Variants in SOAT2 observed in about 807,000 individuals in gnomAD.
SOAT2 encodes the protein ACAT-2.
SOAT2 carries 87 observed loss-of-function variants against 76.0 expected under a neutral mutation model. The observed-to-expected ratio is 1.14, with a 90% CI of 0.96 to 1.37. SOAT2 has a LOEUF of 1.37. Ranked by LOEUF, SOAT2 falls within the 40% of genes most tolerant of loss-of-function variation. SOAT2 has a pLI of 0.00. For missense variants in SOAT2, 686 were observed against 682.1 expected, an observed-to-expected ratio of 1.01 and a Z score of -0.06; for synonymous variants, 285 against 275.4, an observed-to-expected ratio of 1.03 and a Z score of -0.34.
At chr12:53,118,306 T>G (rs374258468) in intron 7 of SOAT2, 44 bp from the exon 8 acceptor site, 184 of 1,073,766 alleles carry the variant, frequency 1.7e-4, no homozygotes, top group Non-Finnish European at 2.3e-4. Flanking sequence ...ACCTCTGCCC[T>G]CTGCCCTTGC....
In SOAT2 at chr12:53,105,254, G is replaced by A; in HGVS notation, c.275+11G>A. The stretch of plus-strand genomic sequence containing the variant: ...AGGTTCCTTGAGCAGGTGAGTCTGG[G>A]GAATGGCTGCGCGGGCTCCTCTGTA... On this transcript the variant is annotated intron_variant, in intron 3 of 14. Transcript: ENST00000301466. The A allele has an allele frequency of 6.2e-7, 1 of 1,600,172 alleles. No individual in the cohort carries two copies. The highest frequency in any genetic ancestry group is 8.5e-7 in the Non-Finnish European group (1 of 1,173,912).
intron 8 of SOAT2, 125 bp from the exon 9 acceptor site, chr12:53,118,765 A>G (rs1938143615): frequency 9.7e-7 from 1 of 1,026,482 alleles, no homozygotes; most frequent in Non-Finnish European, 1.5e-6. Context: ...CCACCACCCT[A>G]GATAATCCTC....
chr12:53,105,470 C>T, intron 3 of SOAT2, 91 bp from the exon 4 acceptor site: 1 of 1,354,928 alleles, frequency 7.4e-7, no homozygotes, highest in Non-Finnish European at 1.0e-6. Flanking sequence ...TTCCCTACCA[C>T]TCCCCTTGGC....
At chr12:53,107,482 A>G (rs1192021721) in intron 5 of SOAT2, among the ~76,000 whole-genome samples, 2 of 152,180 alleles carry the variant, frequency 1.3e-5, no homozygotes, top group Non-Finnish European at 2.9e-5. Flanking sequence ...AGAATGGGGG[A>G]AAATGGAAAA....
At position 53,116,023 on chromosome 12, in the gene SOAT2, C is replaced by A. The variant is rs1003905842; in HGVS notation, c.709-74C>A. 8 of 1,313,420 alleles carry A rather than the reference C, an allele frequency of 6.1e-6. No individual in the cohort carries two copies. The Admixed American group carries it at 6.7e-5, about 11-fold the overall frequency. 81.4% of individuals were successfully genotyped at this position (1,313,420 alleles called of 1,614,324 possible). A position where few individuals can be genotyped will look rare whatever the true frequency, so the allele number is the denominator to read the frequency against. On this transcript the variant is annotated intron_variant, in intron 6 of 14. Coordinates refer to ENST00000301466, the MANE Select transcript of SOAT2 (RefSeq NM_003578.4). ...ACTCTGCCTGCCTCTCAGAGGTAAC[C>A]CAGAGCACAGAGAGGTTAAGCGATT...
intron 5 of SOAT2, among the ~76,000 whole-genome samples, chr12:53,108,854 A>G (rs1251176728): frequency 6.6e-6 from 1 of 152,228 alleles, no homozygotes; most frequent in Non-Finnish European, 1.5e-5. Flanking sequence ...CAAGAAAACA[A>G]TTGTTTATGG....
At chr12:53,113,354 C>T (rs1346894746) in intron 5 of SOAT2, among the ~76,000 whole-genome samples, 1 of 152,200 alleles carries the variant, frequency 6.6e-6, no homozygotes, top group Non-Finnish European at 1.5e-5. Context: ...GTGTCTGCTT[C>T]TGATCTCTGT....
At chr12:53,114,408 C>T (rs1006055052) in intron 5 of SOAT2, among the ~76,000 whole-genome samples, 4 of 152,186 alleles carry the variant, frequency 2.6e-5, no homozygotes, top group African/African-American at 9.7e-5. Flanking sequence ...TTCAATCCCA[C>T]ACTGCTCTCG....
chr12:53,116,016 A>T (rs1938102183), intron 6 of SOAT2, 81 bp from the exon 7 acceptor site: 2 of 1,234,846 alleles, frequency 1.6e-6, no homozygotes, highest in Admixed American at 1.7e-5. Flanking sequence ...TGCCTCTCAG[A>T]GGTAACCCAG....
In SOAT2 at chr12:53,105,752, G is replaced by T. The variant is rs928279788; in HGVS notation, c.335+132G>T. ...CTTGGAAAGGGTTTCTAAGGTGCAG[G>T]TCCCCTATTTGCCCTAGGCATGGTT... On this transcript the variant is annotated intron_variant, in intron 4 of 14. Coordinates refer to ENST00000301466, the MANE Select transcript of SOAT2 (RefSeq NM_003578.4). 4 of 1,047,946 alleles carry T rather than the reference G, an allele frequency of 3.8e-6. No individual in the cohort carries two copies. In the African/African-American group the frequency reaches 4.9e-5, roughly 13 times the overall value. The allele number at this position is 1,047,946 out of a possible 1,614,324, so 64.9% of individuals were successfully genotyped here.
chr12:53,105,008 C>A, intron 2 of SOAT2, 99 bp from the exon 3 acceptor site: 5 of 1,153,560 alleles, frequency 4.3e-6, no homozygotes, highest in South Asian at 1.7e-5. Flanking sequence ...TTAAAAAAAG[C>A]ACTGTGCCTG....
In SOAT2 at chr12:53,115,657, G is replaced by T; in HGVS notation, c.708+3G>T. 1 of 1,519,828 alleles carries T rather than the reference G, an allele frequency of 6.6e-7. No homozygotes were observed. Among genetic ancestry groups the T allele is most frequent in the Non-Finnish European group, 8.8e-7 (1 of 1,139,360 alleles). The allele number at this position is 1,519,828 out of a possible 1,614,324, so 94.1% of individuals were successfully genotyped here. On this transcript the variant is annotated splice_donor_region_variant and intron_variant, in intron 6 of 14. Transcript: ENST00000301466. ...GTTGTGTCCTGGTCTTCGAGCAGGT[G>T]AGGGCCGAGCCCTGCTGACGGACAG...
rs1241870725 is a variant in SOAT2, at chr12:53,123,221, G to A, written c.1372+5G>A. ...TACTCTTCCTTGTCATTGGAGGTGA[G>A]CTGGTCTCTGTGCCACTGGAAGGGA... On this transcript the variant is annotated splice_donor_5th_base_variant and intron_variant, in intron 13 of 14. Transcript: ENST00000301466. 2 of 1,613,786 alleles carry A rather than the reference G, an allele frequency of 1.2e-6. No homozygotes were observed. Among genetic ancestry groups the A allele is most frequent in the African/African-American group, 2.7e-5 (2 of 75,048 alleles).
chr12:53,122,238 G>T, intron 12 of SOAT2, among the ~76,000 whole-genome samples: 1 of 144,382 alleles, frequency 6.9e-6, no homozygotes, highest in African/African-American at 2.6e-5. Flanking sequence ...ACCATTGGGA[G>T]GTAAACATCT....
At chr12:53,108,007 A>G (rs1370677276) in intron 5 of SOAT2, among the ~76,000 whole-genome samples, 3 of 152,108 alleles carry the variant, frequency 2.0e-5, no homozygotes, top group Non-Finnish European at 4.4e-5. Flanking sequence ...TTGCTTTATT[A>G]TACTTGGTTT....
At chr12:53,104,864 C>A (rs1202463789) in intron 2 of SOAT2, among the ~76,000 whole-genome samples, 1 of 151,800 alleles carries the variant, frequency 6.6e-6, no homozygotes, top group East Asian at 1.9e-4. Flanking sequence ...CATCTTTTTA[C>A]CACAGCACTT....
At chr12:53,111,538 A>G (rs571000164) in intron 5 of SOAT2, among the ~76,000 whole-genome samples, 3 of 152,364 alleles carry the variant, frequency 2.0e-5, no homozygotes, top group Non-Finnish European at 4.4e-5. Context: ...AGATGTCGCT[A>G]TCTTCATTAA....
intron 1 of SOAT2, among the ~76,000 whole-genome samples, 200 bp downstream of exon 1, chr12:53,103,859 C>T (rs376484633): frequency 1.3e-5 from 2 of 152,210 alleles, no homozygotes; most frequent in African/African-American, 4.8e-5. Flanking sequence ...AGAGCTGTGG[C>T]CTGGCCTTAT....
chr12:53,105,172 G>A lies in SOAT2; in HGVS notation c.204G>A (p.Met68Ile). The A allele has an allele frequency of 6.3e-7, 1 of 1,589,490 alleles. No individual in the cohort carries two copies. Among genetic ancestry groups the A allele is most frequent in the Non-Finnish European group, 8.6e-7 (1 of 1,168,032 alleles). The part of the protein sequence containing the change: ...GQLRELLDRA[M>I]REAIQSYPSQ... ...TGAGGGAGCTGCTGGATCGGGCCAT[G>A]CGGGAGGCTATACAATCCTACCCAT... is the stretch of plus-strand genomic sequence containing the variant. Residue 68 changes from methionine (M) to isoleucine (I), a missense_variant, in exon 3 of 15, where the codon ATG becomes ATA. Physicochemically the swap from Met to Ile is conservative, Grantham distance 10 (BLOSUM62 1). Coordinates refer to ENST00000301466, the MANE Select transcript of SOAT2 (RefSeq NM_003578.4).
Sources: allele counts gnomAD v4.1 joint callset (sites outside exome capture counted in the v4.1 genomes callset), GRCh38; gene constraint gnomAD v4.1.1; transcripts MANE v1.5; gene names NCBI Gene and HGNC (gene_info 2026-07-23, HGNC 2026-07-21).